The following ADGRD1 variants were observed in gnomAD, a reference collection of about 807,000 sequenced individuals.
ADGRD1 encodes the protein G-protein coupled receptor 133.
A neutral mutation model predicts 113.4 loss-of-function variants in ADGRD1; 77 were observed. That is an observed-to-expected ratio of 0.68 (90% confidence interval 0.57 to 0.82). ADGRD1 has a LOEUF of 0.82. Among genes scored for constraint, ADGRD1 ranks in the 40% least tolerant of loss-of-function variants. The pLI, the probability that ADGRD1 is intolerant of heterozygous loss-of-function variation, is 0.00. For missense variants in ADGRD1, 1,036 were observed against 1,139.1 expected, an observed-to-expected ratio of 0.91 and a Z score of 1.30; for synonymous variants, 474 against 475.0, an observed-to-expected ratio of 1.00 and a Z score of 0.03.
chr12:131,077,018 T>A, intron 14 of ADGRD1, 144 bp downstream of exon 14: 1 of 750,282 alleles, frequency 1.3e-6, no homozygotes, highest in Non-Finnish European at 2.3e-6. Flanking sequence ...ATGCTGGAGA[T>A]GTGGGCAGGG....
intron 20 of ADGRD1, chr12:131,122,113 G>C (rs1158442549): frequency 5.3e-5 from 8 of 152,380 alleles, no homozygotes; most frequent in African/African-American, 1.9e-4. Flanking sequence ...TGCGCGTCCT[G>C]GCCCAGGCTT....
At chr12:130,997,457 GCCA>G in intron 8 of ADGRD1, among the ~76,000 whole-genome samples, 4 of 148,596 alleles carry the variant, frequency 2.7e-5, no homozygotes, top group African/African-American at 5.0e-5. Context: ...CGGGGCGGTT[GCCA>G]GGCGGAGGGT....
intron 24 of ADGRD1, among the ~76,000 whole-genome samples, chr12:131,138,963 C>T (rs916251875): frequency 1.3e-5 from 2 of 152,144 alleles, no homozygotes; most frequent in African/African-American, 2.4e-5. Flanking sequence ...GGGGAGTCAG[C>T]GTGGAGAACC....
intron 13 of ADGRD1, chr12:131,070,684 G>A (rs1885086186): frequency 2.6e-6 from 1 of 389,780 alleles, no homozygotes; most frequent in Non-Finnish European, 5.3e-6. Flanking sequence ...AAAGCTGGTT[G>A]CCACGGAGAT....
At chr12:131,100,291 G>A (rs890972797) in intron 15 of ADGRD1, among the ~76,000 whole-genome samples, 1 of 151,410 alleles carries the variant, frequency 6.6e-6, no homozygotes, top group African/African-American at 2.4e-5. Flanking sequence ...GGCTGATGGT[G>A]GAATTGGCTG....
chr12:131,044,347 G>A lies in ADGRD1; in HGVS notation c.1473+30007G>A, dbSNP rs1411905569. Reference sequence around the variant, plus strand: ...TGTGTCTGCAGAGCTGGGTCCGCGCGTGTTGCTGTCCGGCTCCCAGGAACC... The same window carrying A: ...TGTGTCTGCAGAGCTGGGTCCGCGCATGTTGCTGTCCGGCTCCCAGGAACC... On this transcript the variant is annotated intron_variant, in intron 13 of 24. Transcript: ENST00000261654. Among the ~76,000 whole-genome samples, 3 of 152,282 alleles carry A rather than the reference G, an allele frequency of 2.0e-5. No homozygotes were observed. The South Asian group carries it at 6.2e-4, about 32-fold the overall frequency.
chr12:130,954,457 G>T lies in ADGRD1; in HGVS notation c.-9G>T. 6.5e-7 allele frequency: 1 copy of T among 1,537,352 alleles called. No homozygotes were observed. Among genetic ancestry groups the T allele is most frequent in the Non-Finnish European group, 8.8e-7 (1 of 1,142,606 alleles). The stretch of plus-strand genomic sequence containing the variant: ...CACTTGGCTCCGAGCTTTGACCTCC[G>T]AGAGAGCCATGGAAAAGCTGCTGCG... On this transcript the variant is annotated 5_prime_UTR_variant, in exon 1 of 25. Transcript: ENST00000261654. This position sits in a 1 kb window ranked among gnomAD's most constrained non-coding sequence, Gnocchi z 4.7.
At chr12:131,030,089 A>G (rs1157710029) in intron 13 of ADGRD1, among the ~76,000 whole-genome samples, 1 of 143,834 alleles carries the variant, frequency 7.0e-6, no homozygotes, top group East Asian at 2.1e-4. Context: ...CGTAGGTGAC[A>G]TTCCCAGGCT....
intron 15 of ADGRD1, among the ~76,000 whole-genome samples, chr12:131,091,670 C>T (rs550314761): frequency 2.0e-5 from 3 of 152,206 alleles, no homozygotes; most frequent in African/African-American, 7.2e-5. Flanking sequence ...ATCAGAAAGG[C>T]ACGGGCAGTG....
In ADGRD1 at chr12:131,138,125, C is replaced by T; in HGVS notation, c.2437-12C>T. ...CTGAAATTGCTCTCACGATCCCTTC[C>T]CCGCTTTCAAGGTGAGAGCCGCCTT... On this transcript the variant is annotated splice_polypyrimidine_tract_variant and intron_variant, in intron 23 of 24. Transcript: ENST00000261654. The T allele has an allele frequency of 1.2e-6, 2 of 1,612,138 alleles. No homozygotes were observed. Among genetic ancestry groups the T allele is most frequent in the Non-Finnish European group, 8.5e-7 (1 of 1,178,822 alleles).
chr12:131,096,587 C>G lies in ADGRD1; in HGVS notation c.1672-8244C>G, dbSNP rs1325266569. Reference sequence around the variant, plus strand: ...AGCATCCTATGCACACATCCCGCCTCCATCTGTGAGGATGGGTTCCCGTGG... The same window carrying G: ...AGCATCCTATGCACACATCCCGCCTGCATCTGTGAGGATGGGTTCCCGTGG... On this transcript the variant is annotated intron_variant, in intron 15 of 24. Coordinates refer to ENST00000261654, the MANE Select transcript of ADGRD1 (RefSeq NM_198827.5). This position sits in a 1 kb window ranked among gnomAD's most constrained non-coding sequence, Gnocchi z 5.2. Among the ~76,000 whole-genome samples, 1 of 152,194 alleles carries G rather than the reference C, an allele frequency of 6.6e-6. No individual in the cohort carries two copies. The highest frequency in any genetic ancestry group is 2.4e-5 in the African/African-American group (1 of 41,432).
At chr12:131,010,411 G>A (rs1566026119) in intron 12 of ADGRD1, among the ~76,000 whole-genome samples, 1 of 152,190 alleles carries the variant, frequency 6.6e-6, no homozygotes, top group Non-Finnish European at 1.5e-5. Flanking sequence ...AATGTGACAT[G>A]GTAACTGTGA....
intron 3 of ADGRD1, chr12:130,970,207 A>G (rs4759529): frequency 0.8 from 121,346 of 152,186 alleles, 52,017 homozygotes; most frequent in East Asian, 0.95. Context: ...TTAGATCAGC[A>G]TAGAAGCCAG....
At position 130,992,521 on chromosome 12, in the gene ADGRD1, G is replaced by C. The variant is rs1219846106; in HGVS notation, c.966+129G>C. The C allele has an allele frequency of 3.6e-6, 3 of 834,296 alleles. No individual in the cohort carries two copies. The East Asian group carries it at 7.4e-5, about 21-fold the overall frequency. The allele number at this position is 834,296 out of a possible 1,614,324, so 51.7% of individuals were successfully genotyped here. A position where few individuals can be genotyped will look rare whatever the true frequency, so the allele number is the denominator to read the frequency against. On this transcript the variant is annotated intron_variant, in intron 8 of 24. Coordinates refer to ENST00000261654, the MANE Select transcript of ADGRD1 (RefSeq NM_198827.5). ...CTTTTACTGAAACGTTTGGGTTTCA[G>C]GCTTCTCATGAACAACCAGCTGGTG...
At chr12:130,970,761 A>G (rs1229170662) in intron 3 of ADGRD1, 2 of 152,462 alleles carry the variant, frequency 1.3e-5, no homozygotes, top group Admixed American at 6.5e-5. Flanking sequence ...ACGGGACACA[A>G]GATGATTGGA....
chr12:131,136,742 A>G (rs884838), intron 22 of ADGRD1, among the ~76,000 whole-genome samples: 3 of 152,096 alleles, frequency 2.0e-5, no homozygotes, highest in African/African-American at 7.2e-5. Flanking sequence ...TGCCGCACCT[A>G]TGCCCACGCA....
chr12:131,135,030 C>T (rs971054563), intron 21 of ADGRD1, among the ~76,000 whole-genome samples: 11 of 152,210 alleles, frequency 7.2e-5, no homozygotes, highest in Non-Finnish European at 1.5e-4. Context: ...AGACTTTTCT[C>T]TAAAGCTCAA....
At chr12:130,990,077 T>G (rs1874191717) in intron 6 of ADGRD1, 1 of 152,260 alleles carries the variant, frequency 6.6e-6, no homozygotes, top group Admixed American at 6.5e-5. Context: ...TCCCTCACTC[T>G]GCTTTGTGGA....
intron 15 of ADGRD1, among the ~76,000 whole-genome samples, chr12:131,101,665 G>A (rs1429852705): frequency 6.6e-6 from 1 of 152,090 alleles, no homozygotes; most frequent in Non-Finnish European, 1.5e-5. Flanking sequence ...TTACAGGCGT[G>A]AGCCACTGTG....
Sources: gnomAD v4.1 joint callset for allele counts (sites outside exome capture counted in the v4.1 genomes callset) on GRCh38, gnomAD v4.1.1 for gene constraint, Gnocchi (gnomAD v3.1) non-coding constraint, MANE v1.5 for transcripts, NCBI Gene and HGNC (gene_info 2026-07-23, HGNC 2026-07-21) for gene names.